The following ANKS3 variants were observed in gnomAD, a reference collection of about 807,000 sequenced individuals.
ANKS3 encodes ankyrin repeat and sterile alpha motif domain containing 3.
A neutral mutation model predicts 80.7 loss-of-function variants in ANKS3; 62 were observed. The observed-to-expected ratio is 0.77, with a 90% CI of 0.63 to 0.95. ANKS3 has a LOEUF of 0.95. ANKS3 is among the 40% of genes least tolerant of loss of function. The probability of loss-of-function intolerance (pLI) is 0.00; values close to 1 mark genes in which losing one functional copy is unlikely to be tolerated. For synonymous variants in ANKS3, 489 were observed against 355.3 expected, an observed-to-expected ratio of 1.38 and a Z score of -4.23; for missense variants, 1,150 against 883.6, an observed-to-expected ratio of 1.30 and a Z score of -3.82.
chr16:4,705,289 A>G (rs2080124453), intron 7 of ANKS3, 36 bp from the exon 8 acceptor site: 1 of 1,597,944 alleles, frequency 6.3e-7, no homozygotes, highest in South Asian at 1.1e-5. Flanking sequence ...TAGTGTGTTC[A>G]GTAATGGACT....
chr16:4,697,362 CCCGA>C lies in ANKS3; in HGVS notation c.1861_1864del (p.Ser621GlufsTer16). 6.2e-7 allele frequency: 1 copy of C among 1,610,100 alleles called. No individual in the cohort carries two copies. Among genetic ancestry groups the C allele is most frequent in the Non-Finnish European group, 8.5e-7 (1 of 1,177,930 alleles). ...CTCACGGACACGGTCCTCCAGGGCT[CCCGA>C]GAGCTCGGGGAGGCTCATGGCCTGC... On this transcript the variant is annotated frameshift_variant, in exon 16 of 18. Transcript: ENST00000304283. LOFTEE classifies it high-confidence loss of function.
At chr16:4,732,500 T>C (rs116256331) in intron 1 of ANKS3, among the ~76,000 whole-genome samples, 177 of 151,866 alleles carry the variant, frequency 1.2e-3, no homozygotes, top group African/African-American at 3.9e-3. Flanking sequence ...CTGGCCAAAA[T>C]GGTGAACTCC....
intron 11 of ANKS3, 40 bp from the exon 12 acceptor site, chr16:4,699,216 G>A (rs1275081609): frequency 6.2e-7 from 1 of 1,607,956 alleles, no homozygotes; most frequent in South Asian, 1.1e-5. Context: ...GGTAGTGGCT[G>A]ACGACGAAGC....
In ANKS3 at chr16:4,734,049, T is replaced by A. The variant is rs2081817351; in HGVS notation, c.-182A>T. 1.0e-6 allele frequency: 1 copy of A among 981,860 alleles called. No individual in the cohort carries two copies. The highest frequency in any genetic ancestry group is 1.7e-5 in the African/African-American group (1 of 57,168). 60.8% of individuals were successfully genotyped at this position (981,860 alleles called of 1,614,324 possible). A position where few individuals can be genotyped will look rare whatever the true frequency, so the allele number is the denominator to read the frequency against. ...ACATAAAGAAAATGTGGGGGCTCGGTCCTCCAGTCACGCGGCGAGCAAGTG... is the reference window on the plus strand; with the variant it reads ...ACATAAAGAAAATGTGGGGGCTCGGACCTCCAGTCACGCGGCGAGCAAGTG... On this transcript the variant is annotated 5_prime_UTR_variant, in exon 1 of 18. Transcript: ENST00000304283.
chr16:4,721,073 AGGT>A (rs1484153112), intron 6 of ANKS3, among the ~76,000 whole-genome samples: 2 of 150,744 alleles, frequency 1.3e-5, no homozygotes, highest in Non-Finnish European at 3.0e-5. Context: ...TGGGAGGCCA[AGGT>A]GGGCGGATCA....
intron 4 of ANKS3, 50 bp downstream of exon 4, chr16:4,726,929 T>A (rs970727519): frequency 1.2e-6 from 2 of 1,610,056 alleles, no homozygotes; most frequent in African/African-American, 2.7e-5. Context: ...TCTGTCAGGG[T>A]GGCCACGGAG....
At chr16:4,703,385 G>C (rs938606994) in intron 8 of ANKS3, among the ~76,000 whole-genome samples, 5 of 151,892 alleles carry the variant, frequency 3.3e-5, no homozygotes, top group Admixed American at 1.3e-4. Flanking sequence ...AAAGTGCTGG[G>C]ATTACAGGTA....
chr16:4,701,340 T>G lies in ANKS3; in HGVS notation c.1119+94A>C, dbSNP rs1286270654. 22 of 1,369,780 alleles carry G rather than the reference T, an allele frequency of 1.6e-5. No individual in the cohort carries two copies. The South Asian group carries it at 1.9e-4, about 12-fold the overall frequency. 84.9% of individuals were successfully genotyped at this position (1,369,780 alleles called of 1,614,324 possible). A position where few individuals can be genotyped will look rare whatever the true frequency, so the allele number is the denominator to read the frequency against. Reference sequence around the variant, plus strand: ...GCAGCACACACGTGCAGCAGCTGCTTCTTACATACATGCTCATCTTAAAGT... The same window carrying G: ...GCAGCACACACGTGCAGCAGCTGCTGCTTACATACATGCTCATCTTAAAGT... On this transcript the variant is annotated intron_variant, in intron 10 of 17. Transcript: ENST00000304283.
At chr16:4,698,311 C>G in intron 14 of ANKS3, 116 bp downstream of exon 14, 1 of 1,375,016 alleles carries the variant, frequency 7.3e-7, no homozygotes, top group Non-Finnish European at 9.6e-7. Context: ...GGGGTGGCTC[C>G]AGACCCTGAA....
rs78553853 is a variant in ANKS3 at position 4,718,901 on chromosome 16, G to C, written c.574-4715C>G. Among the ~76,000 whole-genome samples, 1,160 of 152,202 alleles carry C rather than the reference G, an allele frequency of 7.6e-3. 12 individuals carry two copies. Among genetic ancestry groups the C allele is most frequent in the African/African-American group, 0.026 (1,099 of 41,532 alleles). On this transcript the variant is annotated intron_variant, in intron 6 of 17. Coordinates refer to ENST00000304283, the MANE Select transcript of ANKS3 (RefSeq NM_133450.4). ...ATACATAATGAAATTCTTACTCTCA[G>C]GAAATACATATTTAGGGGAAAAGGG...
Position 4,734,119 on chromosome 16 carries a change from C to T in ANKS3, c.-252G>A, listed in dbSNP as rs2081823394. ...GCCGGGTCTAGGCGGGCTGCAGGTG[C>T]CGGCAAGTGCTGGGGCCGGGCCGCC... is the stretch of plus-strand genomic sequence containing the variant. On this transcript the variant is annotated 5_prime_UTR_variant, in exon 1 of 18. Transcript: ENST00000304283. The T allele has an allele frequency of 1.0e-5, 8 of 782,782 alleles. No homozygotes were observed. The highest frequency in any genetic ancestry group is 1.2e-5 in the Non-Finnish European group (8 of 644,804). 48.5% of individuals were successfully genotyped at this position (782,782 alleles called of 1,614,324 possible).
At chr16:4,732,449 A>C in intron 1 of ANKS3, among the ~76,000 whole-genome samples, 1 of 152,156 alleles carries the variant, frequency 6.6e-6, no homozygotes, top group Non-Finnish European at 1.5e-5. Context: ...GAACCAGACC[A>C]AGCGTGACGG....
intron 5 of ANKS3, among the ~76,000 whole-genome samples, chr16:4,726,452 G>C (rs35203962): frequency 0.12 from 17,918 of 152,282 alleles, 1,387 homozygotes; most frequent in East Asian, 0.29. Context: ...ATAAAGAAAA[G>C]GAAGCTGAGA....
chr16:4,708,711 G>T (rs1178868805), intron 7 of ANKS3, among the ~76,000 whole-genome samples: 1 of 152,054 alleles, frequency 6.6e-6, no homozygotes. Flanking sequence ...GAGGTGGGCA[G>T]ATCACGAGGT....
At chr16:4,714,518 C>T (rs2080675321) in intron 6 of ANKS3, among the ~76,000 whole-genome samples, 1 of 152,360 alleles carries the variant, frequency 6.6e-6, no homozygotes, top group South Asian at 2.1e-4. Flanking sequence ...ACTCACTTCG[C>T]TTGTCTTCAA....
chr16:4,697,913 A>AC (rs985002354), intron 15 of ANKS3, 64 bp downstream of exon 15: 2 of 1,401,392 alleles, frequency 1.4e-6, no homozygotes, highest in African/African-American at 3.0e-5. Flanking sequence ...ACTGGGTCAA[A>AC]CCTGGCTTCA....
chr16:4,697,066 G>T lies in ANKS3; in HGVS notation c.1933C>A (p.Leu645Met). 6.2e-7 allele frequency: 1 copy of T among 1,613,910 alleles called. No individual in the cohort carries two copies. Reference protein sequence around the residue: ...LCLVTQSLEKLQVLNGKKWRE... With the variant: ...LCLVTQSLEKMQVLNGKKWRE... ...CACTTCTTCCCGTTCAGCACCTGCA[G>T]CTTCTCCAGGCTCTGGGTCACTAAG... The change falls in exon 17 of 18, where the codon CTG (leucine) becomes ATG (methionine). Residue 645 changes from leucine to methionine, a missense_variant. Leu to Met is a conservative substitution (Grantham distance 15). Transcript: ENST00000304283.
chr16:4,720,730 A>C (rs978822537), intron 6 of ANKS3, among the ~76,000 whole-genome samples: 2 of 150,138 alleles, frequency 1.3e-5, no homozygotes, highest in Non-Finnish European at 3.0e-5. Flanking sequence ...ACTTGAGGTC[A>C]GGAGTTCAAG....
chr16:4,702,001 G>A, intron 9 of ANKS3, 101 bp downstream of exon 9: 1 of 1,373,366 alleles, frequency 7.3e-7, no homozygotes, highest in Non-Finnish European at 9.7e-7. Context: ...TCTGCTGGAT[G>A]GCTGTGTCCA....
Sources: allele counts gnomAD v4.1 joint callset (sites outside exome capture counted in the v4.1 genomes callset), GRCh38; gene constraint gnomAD v4.1.1; transcripts MANE v1.5; gene names NCBI Gene and HGNC (gene_info 2026-07-23, HGNC 2026-07-21).